The following CNTNAP2 variants were observed in gnomAD, a reference collection of about 807,000 sequenced individuals.
The protein encoded by CNTNAP2 is contactin-associated protein-like 2.
A neutral mutation model predicts 155.2 loss-of-function variants in CNTNAP2; 98 were observed. The ratio of observed to expected loss-of-function variants is 0.63; its 90% confidence interval spans 0.54 to 0.75. The LOEUF is 0.75. Ranked by LOEUF, CNTNAP2 falls within the 30% of genes least tolerant of loss-of-function variation. The probability of loss-of-function intolerance (pLI) is 0.00; values close to 1 mark genes in which losing one functional copy is unlikely to be tolerated. For synonymous variants in CNTNAP2, 651 were observed against 631.2 expected (o/e 1.03, Z -0.47); for missense variants, 1,727 against 1,688.1 (o/e 1.02, Z -0.40).
At chr7:146,340,592 A>G (rs1296937011) in intron 1 of CNTNAP2, among the ~76,000 whole-genome samples, 2 of 152,150 alleles carry the variant, frequency 1.3e-5, no homozygotes. Flanking sequence ...ATTTAAATGG[A>G]CATCCTGTAT....
chr7:147,924,179 G>A (rs1387201893), intron 14 of CNTNAP2, among the ~76,000 whole-genome samples: 1 of 106,162 alleles, frequency 9.4e-6, no homozygotes, highest in Admixed American at 1.2e-4. Flanking sequence ...CACTCTTGTT[G>A]CCCAGGCTGG....
chr7:146,407,636 G>A (rs1301901665), intron 1 of CNTNAP2, among the ~76,000 whole-genome samples: 1 of 152,028 alleles, frequency 6.6e-6, no homozygotes. Context: ...AACTTCATTT[G>A]CCTCCTAATC....
chr7:147,224,606 A>ATT (rs1803479185), intron 8 of CNTNAP2, among the ~76,000 whole-genome samples: 1 of 152,168 alleles, frequency 6.6e-6, no homozygotes, highest in Non-Finnish European at 1.5e-5. Flanking sequence ...TTATTAAGAA[A>ATT]CCTTTAGTTA....
At chr7:146,782,519 T>C (rs1034455297) in intron 2 of CNTNAP2, among the ~76,000 whole-genome samples, 3 of 152,174 alleles carry the variant, frequency 2.0e-5, no homozygotes, top group Non-Finnish European at 4.4e-5. Flanking sequence ...GATTAGCAAA[T>C]TATTTAAATG....
intron 4 of CNTNAP2, among the ~76,000 whole-genome samples, chr7:147,080,358 T>C (rs1302568640): frequency 6.6e-6 from 1 of 152,172 alleles, no homozygotes; most frequent in Non-Finnish European, 1.5e-5. Flanking sequence ...GGATTATACA[T>C]CTTACTCAAC....
intron 20 of CNTNAP2, among the ~76,000 whole-genome samples, chr7:148,237,183 C>T (rs956015961): frequency 1.3e-5 from 2 of 152,150 alleles, no homozygotes; most frequent in Non-Finnish European, 2.9e-5. Context: ...TGTATGTATT[C>T]GTTAGGGTTG....
At chr7:147,886,079 G>T (rs1653385155) in intron 13 of CNTNAP2, among the ~76,000 whole-genome samples, 1 of 152,148 alleles carries the variant, frequency 6.6e-6, no homozygotes, top group East Asian at 1.9e-4. Context: ...TGTTGCTGCA[G>T]CACCCTAAGA....
chr7:146,371,991 A>C (rs1795244269), intron 1 of CNTNAP2, among the ~76,000 whole-genome samples: 1 of 151,974 alleles, frequency 6.6e-6, no homozygotes, highest in Non-Finnish European at 1.5e-5. Context: ...GCATATATAA[A>C]TTTTTAAAAA....
At chr7:146,872,333 A>G (rs575387484) in intron 3 of CNTNAP2, among the ~76,000 whole-genome samples, 28 of 152,270 alleles carry the variant, frequency 1.8e-4, no homozygotes, top group African/African-American at 6.3e-4. Flanking sequence ...TCTGGTTGAA[A>G]AAGAAAGTTG....
At position 147,456,153 on chromosome 7, in the gene CNTNAP2, C is replaced by T. The variant is rs118154701; in HGVS notation, c.1671-29782C>T. ...ATCAAAAGCAGTATTTAGCCAGCATCTTCCTTAAAGGACAAACACTAGAGA... is the reference window on the plus strand; with the variant it reads ...ATCAAAAGCAGTATTTAGCCAGCATTTTCCTTAAAGGACAAACACTAGAGA... On this transcript the variant is annotated intron_variant, in intron 10 of 23. Transcript: ENST00000361727. Among the ~76,000 whole-genome samples, 2 of 152,280 alleles carry T rather than the reference C, an allele frequency of 1.3e-5. 1 individual carries two copies. The highest frequency in any genetic ancestry group is 4.8e-5 in the African/African-American group (2 of 41,578).
intron 4 of CNTNAP2, chr7:147,081,486 A>T (rs1800127493): frequency 6.9e-6 from 1 of 144,924 alleles, no homozygotes; most frequent in South Asian, 2.1e-4. Flanking sequence ...GCGCAATCTC[A>T]GCTCACCACC....
intron 1 of CNTNAP2, among the ~76,000 whole-genome samples, chr7:146,534,523 A>G (rs1051374579): frequency 1.3e-5 from 2 of 152,132 alleles, no homozygotes; most frequent in African/African-American, 2.4e-5. Flanking sequence ...TGACCCACAT[A>G]AAAAGACCCT....
At chr7:147,144,994 C>T (rs1386097106) in intron 8 of CNTNAP2, among the ~76,000 whole-genome samples, 5 of 152,022 alleles carry the variant, frequency 3.3e-5, no homozygotes, top group African/African-American at 1.2e-4. Context: ...CCATTTGCCA[C>T]GTTTGAATGA....
At chr7:147,246,527 C>T (rs113726999) in intron 8 of CNTNAP2, among the ~76,000 whole-genome samples, 9 of 152,228 alleles carry the variant, frequency 5.9e-5, no homozygotes, top group East Asian at 1.9e-4. Flanking sequence ...TGTCCTCATA[C>T]GATGGAAGAG....
chr7:148,131,068 T>A (rs1316126340), intron 16 of CNTNAP2, among the ~76,000 whole-genome samples: 2 of 151,040 alleles, frequency 1.3e-5, no homozygotes, highest in Non-Finnish European at 3.0e-5. Context: ...TCTAACGTTT[T>A]CTTTTCTCTT....
At chr7:146,186,099 G>A (rs1798619917) in intron 1 of CNTNAP2, among the ~76,000 whole-genome samples, 1 of 152,042 alleles carries the variant, frequency 6.6e-6, no homozygotes, top group South Asian at 2.1e-4. Context: ...TGTAATCACT[G>A]TCAGTAAAAC....
chr7:147,414,943 AAAAAAAAAAAAAAAAAAAAAG>A (rs1797166623), intron 10 of CNTNAP2, among the ~76,000 whole-genome samples: 1 of 126,244 alleles, frequency 7.9e-6, no homozygotes, highest in Non-Finnish European at 1.5e-5. Context: ...CTCCTTCTCA[AAAAAAAAAAAAAAAAAAAAAG>A]AAAAGAAAAA....
intron 3 of CNTNAP2, among the ~76,000 whole-genome samples, chr7:146,851,641 A>G (rs2129203226): frequency 7.5e-6 from 1 of 133,250 alleles, no homozygotes. Flanking sequence ...GCTTTATATC[A>G]TCTTTCTTCT....
At chr7:146,702,151 A>G (rs1800888467) in intron 1 of CNTNAP2, among the ~76,000 whole-genome samples, 1 of 152,168 alleles carries the variant, frequency 6.6e-6, no homozygotes, top group Non-Finnish European at 1.5e-5. Context: ...GGACAGCACT[A>G]AAGTTGGTAT....
Sources: allele counts gnomAD v4.1 joint callset (sites outside exome capture counted in the v4.1 genomes callset), GRCh38; gene constraint gnomAD v4.1.1; transcripts MANE v1.5; gene names NCBI Gene and HGNC (gene_info 2026-07-23, HGNC 2026-07-21).